The following MAP3K7 variants were observed in gnomAD, a reference collection of about 807,000 sequenced individuals.
MAP3K7 encodes the protein mitogen-activated protein kinase kinase kinase 7.
Under a neutral mutation model 84.8 loss-of-function variants are expected in MAP3K7, and 21 were observed. The observed-to-expected ratio is 0.25, with a 90% CI of 0.18 to 0.36. The LOEUF is 0.36. MAP3K7 is among the 10% of genes least tolerant of loss of function. MAP3K7 has a pLI of 1.00. For missense variants in MAP3K7, 503 were observed against 747.7 expected (o/e 0.67, Z 3.82); for synonymous variants, 241 against 247.7 (o/e 0.97, Z 0.25).
chr6:90,568,549 CA>C lies in MAP3K7; in HGVS notation c.297+8del. The stretch of plus-strand genomic sequence containing the variant: ...CTCACAGGTGACCATGAAAAAGTAA[CA>C]AACTTACTGGATTCAAGCAGGCTCC... On this transcript the variant is annotated splice_region_variant and intron_variant, in intron 3 of 16. Coordinates refer to ENST00000369329, the MANE Select transcript of MAP3K7 (RefSeq NM_145331.3). 6.2e-7 allele frequency: 1 copy of C among 1,601,928 alleles called. No homozygotes were observed. Among genetic ancestry groups the C allele is most frequent in the Non-Finnish European group, 8.5e-7 (1 of 1,176,062 alleles).
chr6:90,534,580 T>C lies in MAP3K7; in HGVS notation c.1356+1757A>G, dbSNP rs149817437. 1.8e-4 allele frequency among the ~76,000 whole-genome samples: 27 copies of C among 152,300 alleles called. No individual in the cohort carries two copies. The East Asian group carries it at 5.2e-3, about 29-fold the overall frequency. On this transcript the variant is annotated intron_variant, in intron 13 of 16. Transcript: ENST00000369329. ...ACAAATGACTGTCCCACACCCATAG[T>C]TGGCCTCAGTTCCAGCGTTTTACTA...
rs532450315 is a variant in MAP3K7 at position 90,580,778 on chromosome 6, T to C, written c.120+5986A>G. 1.6e-4 allele frequency among the ~76,000 whole-genome samples: 24 copies of C among 152,326 alleles called. No individual in the cohort carries two copies. The South Asian group carries it at 2.1e-3, about 13-fold the overall frequency. On this transcript the variant is annotated intron_variant, in intron 1 of 16. Transcript: ENST00000369329. ...TCAGATATTCTTCATAATCCTTCAT[T>C]TGTAAAAAACAGAGGAATGCAAAAA...
intron 1 of MAP3K7, among the ~76,000 whole-genome samples, chr6:90,581,812 T>C (rs1249754660): frequency 6.6e-6 from 1 of 152,210 alleles, no homozygotes; most frequent in Non-Finnish European, 1.5e-5. Context: ...ACTCAGTTTG[T>C]TTAGACCACT....
intron 4 of MAP3K7, among the ~76,000 whole-genome samples, 171 bp from the exon 5 acceptor site, chr6:90,560,385 C>T (rs542901071): frequency 1.4e-4 from 21 of 152,204 alleles, no homozygotes; most frequent in South Asian, 8.3e-4. Flanking sequence ...TTTTTTGAGA[C>T]GGACTCTCAC....
At position 90,586,848 on chromosome 6, in the gene MAP3K7, C is replaced by CGAGGAG. The variant is rs745452796; in HGVS notation, c.30_35dup (p.Ser13_Ser14dup). Reference sequence around the variant, plus strand: ...CTTCGATCATCTCACCGGCCGAAGACGAGGAGGAGGAGGAGGCGGCAGAGG... The same window carrying CGAGGAG: ...CTTCGATCATCTCACCGGCCGAAGACGAGGAGGAGGAGGAGGAGGAGGCGGCAGAGG... On this transcript the variant is annotated inframe_insertion, in exon 1 of 17. Transcript: ENST00000369329. 1.9e-6 allele frequency: 3 copies of CGAGGAG among 1,609,080 alleles called. No individual in the cohort carries two copies. The highest frequency in any genetic ancestry group is 2.5e-6 in the Non-Finnish European group (3 of 1,177,512).
intron 13 of MAP3K7, among the ~76,000 whole-genome samples, chr6:90,524,140 T>C (rs1448030223): frequency 2.0e-5 from 3 of 152,100 alleles, no homozygotes; most frequent in Non-Finnish European, 4.4e-5. Flanking sequence ...CCATAAAGCC[T>C]TGGGCCTTTG....
chr6:90,544,606 G>A lies in MAP3K7; in HGVS notation c.1237C>T (p.Arg413Cys), dbSNP rs762121500. 1.5e-5 allele frequency: 24 copies of A among 1,612,206 alleles called. No individual in the cohort carries two copies. In the African/African-American group the frequency reaches 2.4e-4, roughly 16 times the overall value. The change falls in exon 12 of 17, where the codon CGT becomes TGT. Residue 413 changes from arginine to cysteine, a missense_variant. Around this residue, in one of 5 missense-constraint regions of MAP3K7, gnomAD observed 286 missense variants for 313.6 expected, o/e 0.91. Transcript: ENST00000369329. The part of the protein sequence containing the change: ...TAYSKPKRGH[R>C]KTASFGNILD... ...ATGTTGCCAAATGAAGCAGTTTTAC[G>A]GTGGCCCCGTTTAGGCTTGGAATAG...
intron 5 of MAP3K7, among the ~76,000 whole-genome samples, chr6:90,557,788 G>A (rs1191714617): frequency 6.6e-6 from 1 of 152,108 alleles, no homozygotes; most frequent in East Asian, 1.9e-4. Flanking sequence ...GAAATTCAGG[G>A]CTCACTGAAA....
At chr6:90,529,237 T>A (rs1775421207) in intron 13 of MAP3K7, among the ~76,000 whole-genome samples, 1 of 152,220 alleles carries the variant, frequency 6.6e-6, no homozygotes. Flanking sequence ...TGCCCCTGTT[T>A]CCCTTGCAGT....
intron 1 of MAP3K7, among the ~76,000 whole-genome samples, chr6:90,583,803 C>T (rs1188930957): frequency 6.6e-6 from 1 of 152,122 alleles, no homozygotes; most frequent in African/African-American, 2.4e-5. Context: ...TTCTTGCAAC[C>T]CATCCCCTCT....
chr6:90,568,420 C>A lies in MAP3K7; in HGVS notation c.297+138G>T, dbSNP rs1776787740. 16 of 631,254 alleles carry A rather than the reference C, an allele frequency of 2.5e-5. No individual in the cohort carries two copies. In the East Asian group the frequency reaches 3.9e-4, roughly 15 times the overall value. 39.1% of individuals were successfully genotyped at this position (631,254 alleles called of 1,614,324 possible). A position where few individuals can be genotyped will look rare whatever the true frequency, so the allele number is the denominator to read the frequency against. On this transcript the variant is annotated intron_variant, in intron 3 of 16. Coordinates refer to ENST00000369329, the MANE Select transcript of MAP3K7 (RefSeq NM_145331.3). Reference sequence around the variant, plus strand: ...CTGATATTTTAAAGTATTGGAGGTACCTTTTTATCTTGAAAAAATATAATA... The same window carrying A: ...CTGATATTTTAAAGTATTGGAGGTAACTTTTTATCTTGAAAAAATATAATA...
chr6:90,551,835 C>A, intron 8 of MAP3K7: 1 of 435,516 alleles, frequency 2.3e-6, no homozygotes, highest in East Asian at 3.5e-5. Flanking sequence ...GTCTAGAAAC[C>A]TAGTCTAGCC....
intron 13 of MAP3K7, among the ~76,000 whole-genome samples, chr6:90,528,501 C>T (rs1775395314): frequency 1.3e-5 from 2 of 152,124 alleles, no homozygotes; most frequent in Admixed American, 1.3e-4. Flanking sequence ...GAGAAGTGTT[C>T]CATATAGTGC....
At chr6:90,551,630 A>C (rs1776181855) in intron 8 of MAP3K7, 1 of 153,544 alleles carries the variant, frequency 6.5e-6, no homozygotes, top group African/African-American at 2.4e-5. Flanking sequence ...TAAATGACTA[A>C]ATGCTTGATG....
intron 1 of MAP3K7, among the ~76,000 whole-genome samples, chr6:90,585,917 G>A (rs1777431282): frequency 6.6e-6 from 1 of 152,222 alleles, no homozygotes; most frequent in Non-Finnish European, 1.5e-5. Context: ...AACATTACGA[G>A]TATTGCTGTG....
intron 14 of MAP3K7, 90 bp downstream of exon 14, chr6:90,523,588 G>A: frequency 2.5e-6 from 2 of 785,460 alleles, no homozygotes; most frequent in South Asian, 1.7e-5. Flanking sequence ...TATAATGCCT[G>A]CCTTTGTAAA....
At chr6:90,585,926 TGC>T (rs1777431982) in intron 1 of MAP3K7, among the ~76,000 whole-genome samples, 1 of 152,206 alleles carries the variant, frequency 6.6e-6, no homozygotes, top group Non-Finnish European at 1.5e-5. Flanking sequence ...AGTATTGCTG[TGC>T]GGTATCGGAG....
chr6:90,584,865 T>C (rs1777390595), intron 1 of MAP3K7, among the ~76,000 whole-genome samples: 1 of 152,198 alleles, frequency 6.6e-6, no homozygotes, highest in Non-Finnish European at 1.5e-5. Flanking sequence ...ATTTTTATTC[T>C]TAAAAAAGAA....
chr6:90,585,551 T>C (rs1426060790), intron 1 of MAP3K7, among the ~76,000 whole-genome samples: 5 of 151,284 alleles, frequency 3.3e-5, no homozygotes, highest in Non-Finnish European at 4.4e-5. Flanking sequence ...TGGTAAGAGA[T>C]AGTATTTTCA....
Sources: gnomAD v4.1 joint callset for allele counts (sites outside exome capture counted in the v4.1 genomes callset) on GRCh38, gnomAD v4.1.1 for gene constraint, gnomAD v4.1.1 regional missense constraint, MANE v1.5 for transcripts, NCBI Gene and HGNC (gene_info 2026-07-23, HGNC 2026-07-21) for gene names.